The following SEC23IP variants were observed in gnomAD, a reference collection of about 807,000 sequenced individuals.
SEC23IP encodes SEC23 interacting protein.
In SEC23IP, 70 loss-of-function variants were observed where a neutral mutation model predicts 113.4. That is an observed-to-expected ratio of 0.62 (90% CI 0.51 to 0.75). The LOEUF is 0.75. SEC23IP is among the 30% of genes least tolerant of loss of function. SEC23IP has a pLI of 0.00. For missense variants in SEC23IP, 1,160 were observed against 1,204.9 expected, an observed-to-expected ratio of 0.96 and a Z score of 0.55; for synonymous variants, 398 against 421.0, an observed-to-expected ratio of 0.95 and a Z score of 0.67.
chr10:119,904,317 T>C, intron 4 of SEC23IP, 40 bp downstream of exon 4: 1 of 1,567,032 alleles, frequency 6.4e-7, no homozygotes, highest in Admixed American at 1.7e-5. Flanking sequence ...CTTTAAAAAA[T>C]GTAGGTCCTA....
Position 119,898,969 on chromosome 10 carries a change from C to T in SEC23IP, c.696+10C>T. The stretch of plus-strand genomic sequence containing the variant: ...AGGATCTTTGCCACCGGTATGGAGA[C>T]ATGATTTTGTGTCCTACTTATTCAC... On this transcript the variant is annotated intron_variant, in intron 2 of 18. Coordinates refer to ENST00000369075, the MANE Select transcript of SEC23IP (RefSeq NM_007190.4). The T allele has an allele frequency of 1.9e-6, 3 of 1,541,910 alleles. No individual in the cohort carries two copies. Among genetic ancestry groups the T allele is most frequent in the Middle Eastern group, 3.5e-4 (2 of 5,766 alleles).
chr10:119,929,352 G>GC (rs1855517756), intron 13 of SEC23IP, among the ~76,000 whole-genome samples: 1 of 152,052 alleles, frequency 6.6e-6, no homozygotes, highest in South Asian at 2.1e-4. Context: ...TTCTGCCTTA[G>GC]CCTCCCAAGT....
rs1856011531 is a variant in SEC23IP, at chr10:119,943,565, G to C, written c.*3000G>C. On this transcript the variant is annotated 3_prime_UTR_variant, in exon 19 of 19. Transcript: ENST00000369075. Reference sequence around the variant, plus strand: ...GGATCTCGCCACTGCACTCTAGCCTGAGTGACAGAGCGAGACTCTGTCTCA... The same window carrying C: ...GGATCTCGCCACTGCACTCTAGCCTCAGTGACAGAGCGAGACTCTGTCTCA... The C allele has an allele frequency of 1.3e-5, 2 of 152,138 alleles. No individual in the cohort carries two copies. The highest frequency in any genetic ancestry group is 4.8e-5 in the African/African-American group (2 of 41,410). The allele number at this position is 152,138 out of a possible 1,614,324, so 9.4% of individuals were successfully genotyped here. A position where few individuals can be genotyped will look rare whatever the true frequency, so the allele number is the denominator to read the frequency against.
intron 1 of SEC23IP, 98 bp from the exon 2 acceptor site, chr10:119,898,329 C>A: frequency 7.3e-7 from 1 of 1,364,606 alleles, no homozygotes; most frequent in Non-Finnish European, 9.5e-7. Flanking sequence ...GTTTGAAGAA[C>A]AAATAAGGAA....
chr10:119,919,623 G>A (rs1384156072), intron 11 of SEC23IP, 27 bp downstream of exon 11: 2 of 1,527,760 alleles, frequency 1.3e-6, no homozygotes, highest in African/African-American at 1.4e-5. Flanking sequence ...GCTTCATTTT[G>A]TTTGAAATTG....
At chr10:119,935,249 T>C (rs1486261643) in intron 18 of SEC23IP, among the ~76,000 whole-genome samples, 1 of 152,104 alleles carries the variant, frequency 6.6e-6, no homozygotes, top group African/African-American at 2.4e-5. Flanking sequence ...TTACTTGAGG[T>C]TAGGAGTTCA....
rs1052289 is a variant in SEC23IP at position 119,940,743 on chromosome 10, C to T, written c.*178C>T. The T allele has an allele frequency of 0.54, 82,164 of 151,704 alleles. 22,638 individuals are homozygous for T. The highest frequency in any genetic ancestry group is 0.63 in the East Asian group (3,219 of 5,136). The allele number at this position is 151,704 out of a possible 1,614,324, so 9.4% of individuals were successfully genotyped here. A position where few individuals can be genotyped will look rare whatever the true frequency, so the allele number is the denominator to read the frequency against. On this transcript the variant is annotated 3_prime_UTR_variant, in exon 19 of 19. Transcript: ENST00000369075. ...GGATATAGGGATTCAAAAGACAGGA[C>T]ACAGAACTAACACAGTGAAAAAAAT... is the stretch of plus-strand genomic sequence containing the variant.
chr10:119,893,115 G>A (rs911951176), intron 1 of SEC23IP, among the ~76,000 whole-genome samples, 170 bp downstream of exon 1: 6 of 152,116 alleles, frequency 3.9e-5, no homozygotes, highest in African/African-American at 1.5e-4. Context: ...TCTTGGAGGT[G>A]GCAGGTGATG....
At chr10:119,935,195 T>C (rs1321456291) in intron 18 of SEC23IP, among the ~76,000 whole-genome samples, 1 of 152,236 alleles carries the variant, frequency 6.6e-6, no homozygotes, top group Admixed American at 6.5e-5. Flanking sequence ...GTGTAGTGGC[T>C]CACGCCTGTA....
chr10:119,935,426 A>G (rs999918591), intron 18 of SEC23IP, among the ~76,000 whole-genome samples: 1 of 152,008 alleles, frequency 6.6e-6, no homozygotes, highest in African/African-American at 2.4e-5. Flanking sequence ...GCGCCACTGC[A>G]CTCCGGCCTG....
Position 119,903,023 on chromosome 10 carries a change from A to T in SEC23IP, c.907+14A>T. Reference sequence around the variant, plus strand: ...TCTATAATTCAGGTAAACATTGGTCATACATCATTCATATCTGATTTTAGG... The same window carrying T: ...TCTATAATTCAGGTAAACATTGGTCTTACATCATTCATATCTGATTTTAGG... On this transcript the variant is annotated intron_variant, in intron 3 of 18. Transcript: ENST00000369075. 1.9e-6 allele frequency: 3 copies of T among 1,586,356 alleles called. No homozygotes were observed. Among genetic ancestry groups the T allele is most frequent in the Non-Finnish European group, 2.6e-6 (3 of 1,155,882 alleles).
intron 9 of SEC23IP, 30 bp from the exon 10 acceptor site, chr10:119,918,363 A>G (rs894110948): frequency 1.5e-6 from 2 of 1,353,922 alleles, no homozygotes; most frequent in East Asian, 2.3e-5. Context: ...TACCTACTAC[A>G]TTATAAGGCA....
chr10:119,906,347 A>T (rs1430397648), intron 4 of SEC23IP, among the ~76,000 whole-genome samples: 1 of 150,978 alleles, frequency 6.6e-6, no homozygotes. Flanking sequence ...ATCATAAAAG[A>T]TGTCAATTCT....
At chr10:119,904,582 G>A (rs1854603239) in intron 4 of SEC23IP, 1 of 233,710 alleles carries the variant, frequency 4.3e-6, no homozygotes, top group African/African-American at 2.3e-5. Flanking sequence ...CCAAGCATAT[G>A]GACATTTTCA....
intron 1 of SEC23IP, among the ~76,000 whole-genome samples, chr10:119,893,644 C>T (rs922047308): frequency 2.0e-5 from 3 of 151,674 alleles, no homozygotes; most frequent in Middle Eastern, 3.4e-3. Context: ...CTCAGCCTCC[C>T]GAGTAGCTGG....
chr10:119,893,000 A>G (rs539588093), intron 1 of SEC23IP, 55 bp downstream of exon 1: 363 of 1,562,418 alleles, frequency 2.3e-4, no homozygotes, highest in East Asian at 5.5e-4. Flanking sequence ...GGGACGTGCA[A>G]TGACAAAGGT....
rs1299854865 is a variant in SEC23IP at position 119,918,425 on chromosome 10, C to G, written c.1786C>G (p.Gln596Glu). Residue 596 changes from glutamine (Q) to glutamate (E), a missense_variant, in exon 10 of 19, where the codon CAA becomes GAA. Gln to Glu is a conservative substitution (Grantham distance 29). Transcript: ENST00000369075. The part of the protein sequence containing the change: ...SLILFDILSN[Q>E]KDLNLSKCPG... ...AATATTGTTTGACATCCTGTCTAAT[C>G]AAAAAGATTTGAATTTATCAAAGTG... 3.1e-6 allele frequency: 5 copies of G among 1,611,522 alleles called. No homozygotes were observed. Among genetic ancestry groups the G allele is most frequent in the Non-Finnish European group, 4.2e-6 (5 of 1,177,746 alleles).
chr10:119,904,209 T>TG lies in SEC23IP; in HGVS notation c.1035dup (p.Phe346ValfsTer8). The TG allele has an allele frequency of 6.2e-7, 1 of 1,614,216 alleles. No individual in the cohort carries two copies. Among genetic ancestry groups the TG allele is most frequent in the Non-Finnish European group, 8.5e-7 (1 of 1,180,028 alleles). On this transcript the variant is annotated frameshift_variant, in exon 4 of 19. Coordinates refer to ENST00000369075, the MANE Select transcript of SEC23IP (RefSeq NM_007190.4). LOFTEE classifies it high-confidence loss of function. ...GCCAGCCGAAGTGAGACGCTGTACT[T>TG]GGTTTTACAAGGGGGACACAGATAG...
In SEC23IP at chr10:119,933,699, A is replaced by T; in HGVS notation, c.2935A>T (p.Thr979Ser). ...TCCTTTTCATAGGGAATCTGAAGAT[A>T]CTGCTCTGTTACTACTTAAAGAAAT... ...SHLCYWESEDTALLLLKEIYR... is the reference protein window; with the variant it reads ...SHLCYWESEDSALLLLKEIYR... The change falls in exon 18 of 19, where the codon ACT becomes TCT. Residue 979 changes from threonine (T) to serine (S), a missense_variant. Physicochemically the swap from Thr to Ser is moderately conservative, Grantham distance 58 (BLOSUM62 1). Coordinates refer to ENST00000369075, the MANE Select transcript of SEC23IP (RefSeq NM_007190.4). 1.3e-6 allele frequency: 2 copies of T among 1,563,608 alleles called. No homozygotes were observed. Among genetic ancestry groups the T allele is most frequent in the African/African-American group, 2.7e-5 (2 of 74,084 alleles).
Sources: allele counts gnomAD v4.1 joint callset (sites outside exome capture counted in the v4.1 genomes callset), GRCh38; gene constraint gnomAD v4.1.1; transcripts MANE v1.5; gene names NCBI Gene and HGNC (gene_info 2026-07-23, HGNC 2026-07-21).